The following ASIC2 variants were observed in gnomAD, a reference collection of about 807,000 sequenced individuals.
ASIC2 encodes the protein acid sensing ion channel subunit 2, also known as acid-sensing ion channel 2.
Under a neutral mutation model 57.3 loss-of-function variants are expected in ASIC2, and 25 were observed. The observed-to-expected ratio is 0.44, with a 90% CI of 0.32 to 0.61. The LOEUF is 0.61. Among genes scored for constraint, ASIC2 ranks in the 20% least tolerant of loss-of-function variants. ASIC2 has a pLI of 0.06. For missense variants in ASIC2, 641 were observed against 738.1 expected, an observed-to-expected ratio of 0.87 and a Z score of 1.52; for synonymous variants, 319 against 307.5, an observed-to-expected ratio of 1.04 and a Z score of -0.39.
At chr17:33,750,050 T>C (rs1019623516) in intron 1 of ASIC2, among the ~76,000 whole-genome samples, 1 of 152,168 alleles carries the variant, frequency 6.6e-6, no homozygotes, top group African/African-American at 2.4e-5. Context: ...ATGCAGTTCC[T>C]CACTTCCTTC....
chr17:33,950,808 C>A (rs1162943303), intron 1 of ASIC2, among the ~76,000 whole-genome samples: 4 of 152,228 alleles, frequency 2.6e-5, no homozygotes, highest in Non-Finnish European at 5.9e-5. Context: ...GCAGCTCCAG[C>A]CTTTTAAGCA....
At chr17:33,045,998 A>ACC (rs1296162872) in intron 3 of ASIC2, among the ~76,000 whole-genome samples, 1 of 152,132 alleles carries the variant, frequency 6.6e-6, no homozygotes, top group Non-Finnish European at 1.5e-5. Context: ...ACTCATATGG[A>ACC]CTAAGGTGTG....
chr17:33,485,638 A>G (rs1255308148), intron 1 of ASIC2, among the ~76,000 whole-genome samples: 4 of 152,028 alleles, frequency 2.6e-5, no homozygotes, highest in Admixed American at 6.6e-5. Flanking sequence ...CCTAAACTCA[A>G]TGAAGTGGGA....
chr17:33,943,881 C>T (rs1916248394), intron 1 of ASIC2, among the ~76,000 whole-genome samples: 1 of 152,030 alleles, frequency 6.6e-6, no homozygotes, highest in Non-Finnish European at 1.5e-5. Flanking sequence ...TCAGGGAGTT[C>T]TGTGCTTGCA....
chr17:33,114,176 A>G (rs991002885), intron 1 of ASIC2, among the ~76,000 whole-genome samples: 10 of 152,220 alleles, frequency 6.6e-5, no homozygotes, highest in African/African-American at 2.4e-4. Context: ...CTATTCTTTC[A>G]GCTTCATGGC....
At chr17:33,761,757 C>T (rs753189718) in intron 1 of ASIC2, among the ~76,000 whole-genome samples, 24 of 152,056 alleles carry the variant, frequency 1.6e-4, no homozygotes, top group Non-Finnish European at 3.1e-4. Context: ...CTTTTCTCTA[C>T]CTTCTATTTC....
intron 1 of ASIC2, among the ~76,000 whole-genome samples, chr17:33,719,503 T>G (rs73986128): frequency 0.042 from 6,428 of 152,332 alleles, 193 homozygotes; most frequent in Middle Eastern, 0.12. Context: ...GTCAGGAACT[T>G]GTCTTAATAT....
chr17:33,067,660 G>A (rs1185178310), intron 3 of ASIC2, among the ~76,000 whole-genome samples: 1 of 152,172 alleles, frequency 6.6e-6, no homozygotes, highest in Non-Finnish European at 1.5e-5. Flanking sequence ...GGTGGAGCAG[G>A]TTTAGGGATG....
In ASIC2 at chr17:33,292,971, C is replaced by G. The variant is rs1353862461; in HGVS notation, c.-856G>C. ...AGCCGCAGGGAAGTGTCGCTTCTCG[C>G]CTCGGCTCTCCCAGGTGCCTCGCGT... On this transcript the variant is annotated 5_prime_UTR_variant, in exon 1 of 10. Transcript: ENST00000225823. 1.0e-6 allele frequency: 1 copy of G among 985,446 alleles called. No individual in the cohort carries two copies. Among genetic ancestry groups the G allele is most frequent in the Non-Finnish European group, 1.2e-6 (1 of 830,030 alleles). 61.0% of individuals were successfully genotyped at this position (985,446 alleles called of 1,614,324 possible). A position where few individuals can be genotyped will look rare whatever the true frequency, so the allele number is the denominator to read the frequency against.
intron 1 of ASIC2, among the ~76,000 whole-genome samples, chr17:33,702,315 G>T (rs530691964): frequency 1.3e-5 from 2 of 152,138 alleles, no homozygotes; most frequent in East Asian, 1.9e-4. Flanking sequence ...TAGAGGGGGG[G>T]TATCACTGAT....
intron 1 of ASIC2, among the ~76,000 whole-genome samples, chr17:33,476,740 G>T (rs1239565970): frequency 1.3e-5 from 2 of 151,932 alleles, no homozygotes. Context: ...CAGATGAAAA[G>T]AGTAGGCTCT....
At chr17:33,598,461 A>G (rs1905040070) in intron 1 of ASIC2, among the ~76,000 whole-genome samples, 1 of 152,190 alleles carries the variant, frequency 6.6e-6, no homozygotes, top group Non-Finnish European at 1.5e-5. Context: ...ATTAGACCCA[A>G]TAGGTTCCCA....
intron 1 of ASIC2, among the ~76,000 whole-genome samples, chr17:33,972,863 G>A (rs1390237135): frequency 6.6e-6 from 1 of 152,234 alleles, no homozygotes; most frequent in Non-Finnish European, 1.5e-5. Context: ...CAGCACTGGA[G>A]AAAAGGAGAC....
At chr17:33,825,418 C>G (rs1912876089) in intron 1 of ASIC2, among the ~76,000 whole-genome samples, 1 of 152,182 alleles carries the variant, frequency 6.6e-6, no homozygotes, top group Non-Finnish European at 1.5e-5. Flanking sequence ...GAGACAGAGT[C>G]CTGTGACACA....
chr17:33,952,102 A>G (rs1904594173), intron 1 of ASIC2, among the ~76,000 whole-genome samples: 1 of 152,196 alleles, frequency 6.6e-6, no homozygotes, highest in African/African-American at 2.4e-5. Flanking sequence ...GATATCTTCA[A>G]ATTGCTTTCA....
At chr17:33,853,036 A>G (rs1028786214) in intron 1 of ASIC2, among the ~76,000 whole-genome samples, 2 of 152,278 alleles carry the variant, frequency 1.3e-5, no homozygotes, top group Non-Finnish European at 2.9e-5. Flanking sequence ...CCTCACAGTC[A>G]TGTACAGTCT....
At chr17:33,206,705 T>A (rs1466737735) in intron 1 of ASIC2, among the ~76,000 whole-genome samples, 1 of 152,098 alleles carries the variant, frequency 6.6e-6, no homozygotes, top group Non-Finnish European at 1.5e-5. Context: ...TCTGAGGGGA[T>A]ACAAATAAAG....
chr17:33,142,460 C>T (rs1203200495), intron 1 of ASIC2, among the ~76,000 whole-genome samples: 2 of 152,176 alleles, frequency 1.3e-5, no homozygotes, highest in Non-Finnish European at 2.9e-5. Context: ...TAGCTGTATT[C>T]TTTTATAAAG....
intron 1 of ASIC2, among the ~76,000 whole-genome samples, chr17:33,899,526 G>T (rs1306128957): frequency 2.0e-5 from 3 of 152,192 alleles, no homozygotes; most frequent in Non-Finnish European, 4.4e-5. Context: ...ACGGATGAAT[G>T]AGGGTCAAAG....
Sources: gnomAD v4.1 joint callset for allele counts (sites outside exome capture counted in the v4.1 genomes callset) on GRCh38, gnomAD v4.1.1 for gene constraint, MANE v1.5 for transcripts, NCBI Gene and HGNC (gene_info 2026-07-23, HGNC 2026-07-21) for gene names.